Variants in MYRFL observed in about 807,000 individuals in gnomAD.
MYRFL encodes myelin regulatory factor-like protein.
MYRFL carries 88 observed loss-of-function variants against 109.4 expected under a neutral mutation model. That is an observed-to-expected ratio of 0.80 (90% CI 0.68 to 0.96). The LOEUF (loss-of-function observed/expected upper bound fraction) is 0.96, where lower values mean the gene tolerates loss of function less well. Ranked by LOEUF, MYRFL falls within the 40% of genes least tolerant of loss-of-function variation. MYRFL has a pLI of 0.00. For synonymous variants in MYRFL, 324 were observed against 320.9 expected (o/e 1.01, Z -0.10); for missense variants, 957 against 954.9 (o/e 1.00, Z -0.03).
intron 13 of MYRFL, among the ~76,000 whole-genome samples, chr12:69,921,791 A>C (rs1008448553): frequency 2.0e-5 from 3 of 152,210 alleles, no homozygotes; most frequent in African/African-American, 7.2e-5. Context: ...GGAGAAATTA[A>C]ACCTGGCCTT....
intron 2 of MYRFL, among the ~76,000 whole-genome samples, chr12:69,872,077 T>C (rs190653325): frequency 1.7e-4 from 26 of 152,362 alleles, no homozygotes; most frequent in African/African-American, 5.8e-4. Context: ...TGTTATTAAG[T>C]ACATAAACAA....
intron 13 of MYRFL, among the ~76,000 whole-genome samples, chr12:69,925,043 A>G (rs1955030427): frequency 1.3e-5 from 2 of 152,226 alleles, no homozygotes; most frequent in Admixed American, 6.5e-5. Context: ...AGACAGACAT[A>G]TAACACCTGA....
chr12:69,830,708 C>G (rs1486847515), intron 1 of MYRFL, among the ~76,000 whole-genome samples: 1 of 152,098 alleles, frequency 6.6e-6, no homozygotes, highest in African/African-American at 2.4e-5. Flanking sequence ...TACCTTTCTT[C>G]TTTCATTCTG....
rs1882219941 is a variant in MYRFL at position 69,825,522 on chromosome 12, A to T, written c.5A>T (p.Asp2Val). M[D>V]VVGENEALQQ... ...TAGTACTAGGATCACAGTACCATGG[A>T]TGTGGTAGGCGAAAATGAGGCCCTG... is the stretch of plus-strand genomic sequence containing the variant. Residue 2 changes from aspartate to valine, a missense_variant, in exon 1 of 25, where the codon GAT becomes GTT. Asp to Val is a radical substitution (Grantham distance 152, BLOSUM62 -3). Transcript: ENST00000552032. 1.4e-6 allele frequency: 1 copy of T among 701,912 alleles called. No homozygotes were observed. Among genetic ancestry groups the T allele is most frequent in the Admixed American group, 2.0e-5 (1 of 49,936 alleles). The allele number at this position is 701,912 out of a possible 1,614,324, so 43.5% of individuals were successfully genotyped here. A position where few individuals can be genotyped will look rare whatever the true frequency, so the allele number is the denominator to read the frequency against.
intron 7 of MYRFL, among the ~76,000 whole-genome samples, chr12:69,892,724 A>G (rs941202800): frequency 6.6e-6 from 1 of 152,352 alleles, no homozygotes; most frequent in East Asian, 1.9e-4. Flanking sequence ...CAAGCAACAA[A>G]AAGACATTCT....
chr12:69,886,713 A>T, intron 5 of MYRFL, 107 bp from the exon 6 acceptor site: 1 of 1,316,830 alleles, frequency 7.6e-7, no homozygotes, highest in Non-Finnish European at 1.0e-6. Flanking sequence ...ACACTTCCCT[A>T]GTCACTCTGC....
chr12:69,927,944 A>G (rs1955148421), intron 15 of MYRFL, among the ~76,000 whole-genome samples, 196 bp downstream of exon 15: 1 of 152,232 alleles, frequency 6.6e-6, no homozygotes, highest in Admixed American at 6.5e-5. Context: ...TAGAGAAACG[A>G]GTACAGAATA....
intron 10 of MYRFL, among the ~76,000 whole-genome samples, chr12:69,902,472 C>G (rs1369893353): frequency 2.6e-5 from 4 of 152,130 alleles, no homozygotes; most frequent in African/African-American, 9.7e-5. Flanking sequence ...CTTGAGGAAA[C>G]CATTGTTATT....
intron 5 of MYRFL, 58 bp from the exon 6 acceptor site, chr12:69,886,762 T>C: frequency 6.6e-7 from 1 of 1,525,998 alleles, no homozygotes; most frequent in Non-Finnish European, 8.8e-7. Context: ...TGCTGCTAGC[T>C]GTGAGTTTAG....
chr12:69,879,277 G>A lies in MYRFL; in HGVS notation c.288G>A (p.Pro96=), dbSNP rs529805239. 4.3e-6 allele frequency: 3 copies of A among 702,836 alleles called. No homozygotes were observed. Among genetic ancestry groups the A allele is most frequent in the East Asian group, 2.7e-5 (1 of 37,272 alleles). The allele number at this position is 702,836 out of a possible 1,614,324, so 43.5% of individuals were successfully genotyped here. ...FLHPTAAPAM[P]PMHPLQSTSG... ...ACCCCACAGCTGCTCCTGCGATGCCGCCCATGCACCCGCTGCAGAGCACCT... is the reference window on the plus strand; with the variant it reads ...ACCCCACAGCTGCTCCTGCGATGCCACCCATGCACCCGCTGCAGAGCACCT... The change falls in exon 4 of 25, where the codon CCG becomes CCA. Residue 96 remains proline (P), a synonymous_variant. Coordinates refer to ENST00000552032, the MANE Select transcript of MYRFL (RefSeq NM_182530.3).
At chr12:69,850,905 C>A (rs1213495129) in intron 1 of MYRFL, among the ~76,000 whole-genome samples, 3 of 151,906 alleles carry the variant, frequency 2.0e-5, no homozygotes, top group Admixed American at 2.0e-4. Flanking sequence ...GTCTTATACC[C>A]TCAACTTTTT....
chr12:69,893,661 C>T, intron 7 of MYRFL, 103 bp from the exon 8 acceptor site: 1 of 545,898 alleles, frequency 1.8e-6, no homozygotes, highest in Non-Finnish European at 2.8e-6. Context: ...TGCCCAGTGC[C>T]TAGGATGATG....
chr12:69,944,081 T>C (rs1304851714), intron 19 of MYRFL, among the ~76,000 whole-genome samples: 4 of 150,876 alleles, frequency 2.7e-5, no homozygotes, highest in African/African-American at 9.9e-5. Context: ...TTTACACTGT[T>C]GGTGGGACTG....
chr12:69,925,015 A>G (rs1480824052), intron 13 of MYRFL, among the ~76,000 whole-genome samples: 1 of 152,182 alleles, frequency 6.6e-6, no homozygotes, highest in Admixed American at 6.5e-5. Context: ...CCTGCCACAA[A>G]CTCATGATCC....
intron 2 of MYRFL, among the ~76,000 whole-genome samples, chr12:69,870,099 C>A (rs373408778): frequency 1.2e-5 from 1 of 81,328 alleles, no homozygotes; most frequent in Admixed American, 1.5e-4. Context: ...ATTTTTCTTC[C>A]TTTTTTTTTT....
chr12:69,885,056 T>A (rs183442040), intron 5 of MYRFL, among the ~76,000 whole-genome samples: 53 of 152,290 alleles, frequency 3.5e-4, no homozygotes, highest in South Asian at 6.2e-4. Flanking sequence ...AATTATGTTC[T>A]CTCTTTCTCT....
chr12:69,860,996 T>C (rs1390720296), intron 2 of MYRFL, among the ~76,000 whole-genome samples: 1 of 147,288 alleles, frequency 6.8e-6, no homozygotes, highest in Non-Finnish European at 1.5e-5. Flanking sequence ...GAATATGCAG[T>C]GTTTGGTTTT....
chr12:69,829,221 C>G (rs1208079504), intron 1 of MYRFL, among the ~76,000 whole-genome samples: 1 of 151,986 alleles, frequency 6.6e-6, no homozygotes, highest in African/African-American at 2.4e-5. Context: ...AAACTGCCAT[C>G]AAAAAAGCTT....
At chr12:69,895,287 G>C in intron 8 of MYRFL, 84 bp from the exon 9 acceptor site, 2 of 995,104 alleles carry the variant, frequency 2.0e-6, no homozygotes, top group Non-Finnish European at 3.0e-6. Flanking sequence ...GCATAGATGA[G>C]AGTCTGAAAG....
Sources: gnomAD v4.1 joint callset for allele counts (sites outside exome capture counted in the v4.1 genomes callset) on GRCh38, gnomAD v4.1.1 for gene constraint, MANE v1.5 for transcripts, NCBI Gene and HGNC (gene_info 2026-07-23, HGNC 2026-07-21) for gene names.